TSC2: variants seen among roughly 807,000 people sequenced by gnomAD.
TSC2 encodes the protein TSC complex subunit 2, also known as tuberin.
In TSC2, 29 loss-of-function variants were observed where a neutral mutation model predicts 202.2. The ratio of observed to expected loss-of-function variants is 0.14; its 90% CI spans 0.11 to 0.20. The LOEUF is 0.20. Ranked by LOEUF, TSC2 falls within the 10% of genes least tolerant of loss-of-function variation. The pLI, the probability that TSC2 is intolerant of heterozygous loss-of-function variation, is 1.00. For missense variants in TSC2, 2,429 were observed against 2,420.0 expected, an observed-to-expected ratio of 1.00 and a Z score of -0.08; for synonymous variants, 1,349 against 1,044.0, an observed-to-expected ratio of 1.29 and a Z score of -5.63.
chr16:2,069,453 AT>A (rs1406336945), intron 16 of TSC2, among the ~76,000 whole-genome samples: 1 of 147,560 alleles, frequency 6.8e-6, no homozygotes, highest in African/African-American at 2.5e-5. Flanking sequence ...AGTAGCTGGG[AT>A]TTACAGGCAT....
At chr16:2,071,694 T>C (rs1175033401) in intron 18 of TSC2, 78 bp downstream of exon 18, 7 of 1,601,006 alleles carry the variant, frequency 4.4e-6, no homozygotes, top group Non-Finnish European at 6.0e-6. Context: ...TGTTTGCATG[T>C]CTGAGGGATG....
rs1809533786 is a variant in TSC2 at position 2,088,838 on chromosome 16, T to G, written c.*228T>G. The G allele has an allele frequency of 1.7e-6, 1 of 598,968 alleles. No homozygotes were observed. The allele number at this position is 598,968 out of a possible 1,614,324, so 37.1% of individuals were successfully genotyped here. A position where few individuals can be genotyped will look rare whatever the true frequency, so the allele number is the denominator to read the frequency against. ...CAGGCACAGCCAGCTCCGAGGGCCT[T>G]GAGGCTGCCTGGGCCATACAGCACA... On this transcript the variant is annotated 3_prime_UTR_variant, in exon 42 of 42. Coordinates refer to ENST00000219476, the MANE Select transcript of TSC2 (RefSeq NM_000548.5).
At chr16:2,075,947 G>T in intron 23 of TSC2, 55 bp downstream of exon 23, 3 of 1,612,406 alleles carry the variant, frequency 1.9e-6, no homozygotes, top group Non-Finnish European at 2.5e-6. Context: ...GCTAGGCCTT[G>T]CGGCAGAAAG....
chr16:2,050,353 C>G (rs1389188308), intron 2 of TSC2, 47 bp from the exon 3 acceptor site: 1 of 1,567,646 alleles, frequency 6.4e-7, no homozygotes, highest in African/African-American at 1.4e-5. Flanking sequence ...GTTAAGGAGA[C>G]CGTGGCCTGA....
chr16:2,082,455 G>A lies in TSC2; in HGVS notation c.3834G>A (p.Leu1278=), dbSNP rs766029525. Residue 1278 remains leucine (L), a synonymous_variant, in exon 32 of 42, where the codon CTG becomes CTA. Transcript: ENST00000219476. ...RSNTVASFSS[L]YQSSCQGQLH... is the part of the protein sequence containing the mutation. Reference sequence around the variant, plus strand: ...TTGCAGTGGCCTCTTTCTCCTCCCTGTACCAGTCCAGCTGCCAAGGACAGC... The same window carrying A: ...TTGCAGTGGCCTCTTTCTCCTCCCTATACCAGTCCAGCTGCCAAGGACAGC... 6.2e-7 allele frequency: 1 copy of A among 1,612,490 alleles called. No individual in the cohort carries two copies. Among genetic ancestry groups the A allele is most frequent in the Non-Finnish European group, 8.5e-7 (1 of 1,180,006 alleles).
At chr16:2,058,649 CTG>C in intron 9 of TSC2, 96 bp from the exon 10 acceptor site, 3 of 1,525,592 alleles carry the variant, frequency 2.0e-6, no homozygotes, top group Non-Finnish European at 2.6e-6. Flanking sequence ...ACAGGGACCT[CTG>C]GGGCTGCTGC....
Position 2,088,789 on chromosome 16 carries a change from G to A in TSC2, c.*179G>A, listed in dbSNP as rs1464541497. 8.4e-6 allele frequency: 7 copies of A among 831,616 alleles called. No individual in the cohort carries two copies. Among genetic ancestry groups the A allele is most frequent in the East Asian group, 8.1e-5 (3 of 37,198 alleles). 51.5% of individuals were successfully genotyped at this position (831,616 alleles called of 1,614,324 possible). ...GTGTCGAGGCTCTAGAAGCGGCCATGCCCACAGAAGTGGTACACAGAAGCA... is the reference window on the plus strand; with the variant it reads ...GTGTCGAGGCTCTAGAAGCGGCCATACCCACAGAAGTGGTACACAGAAGCA... On this transcript the variant is annotated 3_prime_UTR_variant, in exon 42 of 42. Transcript: ENST00000219476.
chr16:2,076,624 T>C (rs1596370043), intron 25 of TSC2, 39 bp downstream of exon 25: 1 of 1,602,952 alleles, frequency 6.2e-7, no homozygotes, highest in African/African-American at 1.4e-5. Flanking sequence ...CGGTGTGGGG[T>C]GGGGAAGGAC....
At chr16:2,057,723 T>G (rs1319260617) in intron 9 of TSC2, among the ~76,000 whole-genome samples, 1 of 152,134 alleles carries the variant, frequency 6.6e-6, no homozygotes, top group Non-Finnish European at 1.5e-5. Context: ...CCCAGCGCCC[T>G]TGGGATGTAG....
chr16:2,076,616 G>T, intron 25 of TSC2, 31 bp downstream of exon 25: 1 of 1,609,848 alleles, frequency 6.2e-7, no homozygotes. Context: ...CCTGGAGTCG[G>T]TGTGGGGTGG....
intron 19 of TSC2, 99 bp from the exon 20 acceptor site, chr16:2,072,137 AGCCCT>A: frequency 6.3e-7 from 1 of 1,592,830 alleles, no homozygotes; most frequent in South Asian, 1.1e-5. Flanking sequence ...AGGGCTCCAT[AGCCCT>A]TGACGCTGTG....
At chr16:2,061,163 GGAGGACCGCATTAGTC>G in intron 11 of TSC2, 1 of 385,234 alleles carries the variant, frequency 2.6e-6, no homozygotes, top group East Asian at 5.8e-5. Flanking sequence ...GCATGACTTT[GGAGGACCGCATTAGTC>G]GAGTCTGTTA....
At position 2,060,831 on chromosome 16, in the gene TSC2, G is replaced by C. The variant is rs746899769; in HGVS notation, c.1119+18G>C. Reference sequence around the variant, plus strand: ...AGCTCCAGGTGGGGTGGGGGCAGGAGCTCCGGGGAGCACCGGGAACCCAGA... The same window carrying C: ...AGCTCCAGGTGGGGTGGGGGCAGGACCTCCGGGGAGCACCGGGAACCCAGA... On this transcript the variant is annotated intron_variant, in intron 11 of 41. Transcript: ENST00000219476. 1 of 1,612,162 alleles carries C rather than the reference G, an allele frequency of 6.2e-7. No individual in the cohort carries two copies. Among genetic ancestry groups the C allele is most frequent in the Admixed American group, 1.7e-5 (1 of 60,002 alleles).
chr16:2,081,220 AG>A (rs1292018202), intron 30 of TSC2: 1 of 361,410 alleles, frequency 2.8e-6, no homozygotes, highest in African/African-American at 2.1e-5. Context: ...GCCCCCGCAG[AG>A]GCCCAGAGCC....
At chr16:2,057,282 C>G in intron 9 of TSC2, 104 bp downstream of exon 9, 2 of 1,379,462 alleles carry the variant, frequency 1.4e-6, no homozygotes, top group African/African-American at 1.4e-5. Flanking sequence ...AGTCCTTGTC[C>G]TCTCGGGCAG....
intron 32 of TSC2, chr16:2,083,091 C>T (rs552989926): frequency 1.5e-4 from 68 of 455,152 alleles, no homozygotes; most frequent in African/African-American, 1.1e-3. Context: ...GCTGACTGCG[C>T]GTGTGCAGGG....
In TSC2 at chr16:2,076,731, G is replaced by A. The variant is rs2089438781; in HGVS notation, c.2837+146G>A. 3 of 819,298 alleles carry A rather than the reference G, an allele frequency of 3.7e-6. No individual in the cohort carries two copies. In the South Asian group the frequency reaches 4.8e-5, roughly 13 times the overall value. 50.8% of individuals were successfully genotyped at this position (819,298 alleles called of 1,614,324 possible). ...TGTGAGGCAGGGCAGGACCTGCAAGGGCCGCTAACACCCCTCAGCCCCTCA... is the reference window on the plus strand; with the variant it reads ...TGTGAGGCAGGGCAGGACCTGCAAGAGCCGCTAACACCCCTCAGCCCCTCA... On this transcript the variant is annotated intron_variant, in intron 25 of 41. Coordinates refer to ENST00000219476, the MANE Select transcript of TSC2 (RefSeq NM_000548.5).
At position 2,081,727 on chromosome 16, in the gene TSC2, C is replaced by G. The variant is rs745342041; in HGVS notation, c.3743C>G (p.Ala1248Gly). The change falls in exon 31 of 42, where the codon GCC (alanine) becomes GGC (glycine). Residue 1248 changes from alanine to glycine, a missense_variant. Coordinates refer to ENST00000219476, the MANE Select transcript of TSC2 (RefSeq NM_000548.5). ...AERFKEHRDTALYKSLSVPAA... is the reference protein window; with the variant it reads ...AERFKEHRDTGLYKSLSVPAA... ...CGCTTCAAGGAGCACCGGGACACAGCCCTGTACAAGTCACTGTCGGTGCCG... is the reference window on the plus strand; with the variant it reads ...CGCTTCAAGGAGCACCGGGACACAGGCCTGTACAAGTCACTGTCGGTGCCG... 6.2e-7 allele frequency: 1 copy of G among 1,612,980 alleles called. No individual in the cohort carries two copies. The highest frequency in any genetic ancestry group is 8.5e-7 in the Non-Finnish European group (1 of 1,180,020).
chr16:2,051,050 G>T (rs998225954), intron 3 of TSC2, among the ~76,000 whole-genome samples: 1 of 152,088 alleles, frequency 6.6e-6, no homozygotes, highest in Non-Finnish European at 1.5e-5. Flanking sequence ...CCGAGCGGGG[G>T]TGCGGGGGCT....
Sources: gnomAD v4.1 joint callset for allele counts (sites outside exome capture counted in the v4.1 genomes callset) on GRCh38, gnomAD v4.1.1 for gene constraint, MANE v1.5 for transcripts, NCBI Gene and HGNC (gene_info 2026-07-23, HGNC 2026-07-21) for gene names.